The following RPAP2 variants were observed in gnomAD, a reference collection of about 807,000 sequenced individuals.
RPAP2 encodes the protein putative RNA polymerase II subunit B1 CTD phosphatase RPAP2.
Under a neutral mutation model 73.1 loss-of-function variants are expected in RPAP2, and 52 were observed. The ratio of observed to expected loss-of-function variants is 0.71; its 90% CI spans 0.57 to 0.90. RPAP2 has a LOEUF of 0.90. RPAP2 is among the 40% of genes least tolerant of loss of function. The pLI is 0.00. For missense variants in RPAP2, 598 were observed against 701.8 expected (o/e 0.85, Z 1.67); for synonymous variants, 225 against 242.1 (o/e 0.93, Z 0.65).
At chr1:92,312,303 G>A (rs944509878) in intron 6 of RPAP2, among the ~76,000 whole-genome samples, 2 of 152,072 alleles carry the variant, frequency 1.3e-5, no homozygotes, top group East Asian at 3.9e-4. Flanking sequence ...TGTAGTCCTT[G>A]TAGCTACTTG....
intron 3 of RPAP2, among the ~76,000 whole-genome samples, chr1:92,302,845 C>G (rs1290847258): frequency 6.6e-6 from 1 of 151,658 alleles, no homozygotes; most frequent in African/African-American, 2.4e-5. Flanking sequence ...CGTGATCCGC[C>G]CGCGTCGGCC....
chr1:92,357,950 A>G (rs922459073), intron 11 of RPAP2, among the ~76,000 whole-genome samples: 2 of 152,218 alleles, frequency 1.3e-5, no homozygotes, highest in Non-Finnish European at 2.9e-5. Context: ...TTTTAGACAC[A>G]GGATCTCGCC....
intron 10 of RPAP2, among the ~76,000 whole-genome samples, chr1:92,345,379 TAAAAAAAAAAA>T (rs57025975): frequency 1.4e-5 from 1 of 73,770 alleles, no homozygotes; most frequent in Non-Finnish European, 2.6e-5. Flanking sequence ...CCCGTTTCTT[TAAAAAAAAAAA>T]AAAAAAAAAA....
At chr1:92,378,966 G>A (rs1655503525) in intron 11 of RPAP2, among the ~76,000 whole-genome samples, 1 of 152,176 alleles carries the variant, frequency 6.6e-6, no homozygotes, top group Non-Finnish European at 1.5e-5. Context: ...AGAATTCTAT[G>A]GATTTCATTG....
chr1:92,340,833 T>C (rs1653554864), intron 10 of RPAP2, among the ~76,000 whole-genome samples: 1 of 152,180 alleles, frequency 6.6e-6, no homozygotes, highest in Non-Finnish European at 1.5e-5. Context: ...TGTAAAGCAG[T>C]TTCCATCAGA....
At chr1:92,373,452 A>G (rs1655236441) in intron 11 of RPAP2, among the ~76,000 whole-genome samples, 1 of 152,194 alleles carries the variant, frequency 6.6e-6, no homozygotes, top group South Asian at 2.1e-4. Flanking sequence ...TAAGTGGTCC[A>G]GTATGTGAGA....
At chr1:92,373,188 G>A (rs1655224780) in intron 11 of RPAP2, among the ~76,000 whole-genome samples, 1 of 94,720 alleles carries the variant, frequency 1.1e-5, no homozygotes, top group Non-Finnish European at 1.9e-5. Flanking sequence ...GTGAGACTGA[G>A]GATGGATTTT....
chr1:92,386,560 T>C (rs1655870065), intron 12 of RPAP2, among the ~76,000 whole-genome samples: 3 of 152,188 alleles, frequency 2.0e-5, no homozygotes, highest in African/African-American at 7.2e-5. Context: ...GCCCTCAAGT[T>C]GAATACGAAG....
intron 2 of RPAP2, among the ~76,000 whole-genome samples, chr1:92,300,441 C>CA (rs1379562587): frequency 6.6e-6 from 1 of 152,108 alleles, no homozygotes; most frequent in Non-Finnish European, 1.5e-5. Flanking sequence ...CCAAACTAAG[C>CA]ACTCAGACTG....
chr1:92,385,829 G>A (rs113118183), intron 12 of RPAP2, among the ~76,000 whole-genome samples: 1 of 152,180 alleles, frequency 6.6e-6, no homozygotes, highest in African/African-American at 2.4e-5. Context: ...AGGAATCTAG[G>A]TGCAGTTGAA....
At chr1:92,332,735 T>C (rs912481828) in intron 8 of RPAP2, among the ~76,000 whole-genome samples, 1 of 152,118 alleles carries the variant, frequency 6.6e-6, no homozygotes, top group African/African-American at 2.4e-5. Context: ...TTGGGGAAGG[T>C]TGCCCATACC....
intron 11 of RPAP2, among the ~76,000 whole-genome samples, chr1:92,351,325 AAAAG>A (rs1485474210): frequency 4.7e-5 from 7 of 150,414 alleles, no homozygotes; most frequent in South Asian, 2.1e-4. Context: ...AAAAAAAAAA[AAAAG>A]AAAGGACCAT....
chr1:92,328,892 A>G (rs1329172798), intron 8 of RPAP2, among the ~76,000 whole-genome samples: 4 of 152,102 alleles, frequency 2.6e-5, no homozygotes, highest in African/African-American at 9.7e-5. Context: ...CTGAGAGCCA[A>G]ACTGCAGTGA....
At chr1:92,368,977 G>A (rs1307564493) in intron 11 of RPAP2, among the ~76,000 whole-genome samples, 2 of 152,186 alleles carry the variant, frequency 1.3e-5, no homozygotes. Context: ...TTCCTCATTT[G>A]TGATTTATAC....
At chr1:92,370,833 C>T (rs1655116386) in intron 11 of RPAP2, among the ~76,000 whole-genome samples, 1 of 151,772 alleles carries the variant, frequency 6.6e-6, no homozygotes, top group South Asian at 2.1e-4. Context: ...TTCTCATTTA[C>T]CTAAAAAAAA....
chr1:92,365,146 A>T (rs1486040759), intron 11 of RPAP2, among the ~76,000 whole-genome samples: 2 of 152,110 alleles, frequency 1.3e-5, no homozygotes, highest in African/African-American at 4.8e-5. Context: ...TTAACACCCC[A>T]CAGTCAGAAA....
At chr1:92,303,774 C>CT (rs1003212005) in intron 3 of RPAP2, among the ~76,000 whole-genome samples, 4 of 151,306 alleles carry the variant, frequency 2.6e-5, no homozygotes, top group African/African-American at 4.9e-5. Flanking sequence ...TTAATAATAA[C>CT]TTTTTTTTTG....
intron 11 of RPAP2, among the ~76,000 whole-genome samples, chr1:92,374,960 C>G (rs1302648154): frequency 1.3e-5 from 2 of 151,798 alleles, no homozygotes; most frequent in African/African-American, 2.4e-5. Flanking sequence ...CCCAAAACCA[C>G]TGAAATAAAA....
intron 6 of RPAP2, among the ~76,000 whole-genome samples, chr1:92,307,647 G>A (rs1265912111): frequency 1.3e-5 from 2 of 152,008 alleles, no homozygotes; most frequent in Non-Finnish European, 2.9e-5. Flanking sequence ...TATGAGAAAG[G>A]TTAGAAAGTT....
Sources: gnomAD v4.1 joint callset for allele counts (sites outside exome capture counted in the v4.1 genomes callset) on GRCh38, gnomAD v4.1.1 for gene constraint, MANE v1.5 for transcripts, NCBI Gene and HGNC (gene_info 2026-07-23, HGNC 2026-07-21) for gene names.